SLC2A14: variants seen among roughly 807,000 people sequenced by gnomAD.
SLC2A14 encodes the protein solute carrier family 2, facilitated glucose transporter member 14.
In SLC2A14, 13 loss-of-function variants were observed where a neutral mutation model predicts 43.0. The observed-to-expected ratio is 0.30, with a 90% CI of 0.20 to 0.48. The LOEUF (loss-of-function observed/expected upper bound fraction) is 0.48, where lower values mean the gene tolerates loss of function less well. Among genes scored for constraint, SLC2A14 ranks in the 20% least tolerant of loss-of-function variants. The probability of loss-of-function intolerance (pLI) is 0.99; values close to 1 mark genes in which losing one functional copy is unlikely to be tolerated. For missense variants in SLC2A14, 428 were observed against 620.4 expected, an observed-to-expected ratio of 0.69 and a Z score of 3.29; for synonymous variants, 190 against 233.8, an observed-to-expected ratio of 0.81 and a Z score of 1.71.
chr12:7,882,130 C>G (rs1200818966), intron 1 of SLC2A14, among the ~76,000 whole-genome samples: 1 of 152,036 alleles, frequency 6.6e-6, no homozygotes, highest in Non-Finnish European at 1.5e-5. Flanking sequence ...CTTGTTGCTG[C>G]TCAGTTTTTG....
chr12:7,884,945 AT>A (rs1041562247), intron 1 of SLC2A14, among the ~76,000 whole-genome samples: 39 of 150,048 alleles, frequency 2.6e-4, no homozygotes, highest in African/African-American at 7.8e-4. Context: ...GGTCAGGACT[AT>A]TTTTTTTTTC....
At position 7,827,379 on chromosome 12, in the gene SLC2A14, G is replaced by A. The variant is rs769019704; in HGVS notation, c.864+116C>T. ...CAACCTTCGCCTCCCGGGTTCAAGC[G>A]ATTCTCCTGCCTCAGCCTCCTGAGT... is the stretch of plus-strand genomic sequence containing the variant. On this transcript the variant is annotated intron_variant, in intron 7 of 10. Coordinates refer to ENST00000431042, the MANE Select transcript of SLC2A14 (RefSeq NM_001286234.2). 4.8e-4 allele frequency: 682 copies of A among 1,422,104 alleles called. 1 individual carries two copies. In the African/African-American group the frequency reaches 8.1e-3, roughly 17 times the overall value. 88.1% of individuals were successfully genotyped at this position (1,422,104 alleles called of 1,614,324 possible).
At chr12:7,826,853 C>CTTTTTT (rs1864407594) in intron 7 of SLC2A14, among the ~76,000 whole-genome samples, 22 of 34,470 alleles carry the variant, frequency 6.4e-4, no homozygotes, top group Middle Eastern at 0.038. Flanking sequence ...TTCCTTCCTT[C>CTTTTTT]CTTTCTTTTT....
chr12:7,858,685 G>A (rs1944385402), intron 2 of SLC2A14, among the ~76,000 whole-genome samples: 1 of 152,014 alleles, frequency 6.6e-6, no homozygotes, highest in Non-Finnish European at 1.5e-5. Context: ...TTTTAGTAGA[G>A]ATGGAGTTTC....
intron 1 of SLC2A14, among the ~76,000 whole-genome samples, chr12:7,883,036 C>CT (rs200432492): frequency 0.019 from 2,921 of 151,940 alleles, 90 homozygotes; most frequent in African/African-American, 0.067. Flanking sequence ...TGGTGAAACC[C>CT]TGTCTCTACT....
chr12:7,887,601 ATAGATAGATAGT>A (rs760210368), intron 1 of SLC2A14, among the ~76,000 whole-genome samples: 6,519 of 104,824 alleles, frequency 0.062, 207 homozygotes, highest in East Asian at 0.12. Context: ...AGATAGATAG[ATAGATAGATAGT>A]TAGATAGATA....
chr12:7,826,225 G>GTTTTT (rs34224977), intron 7 of SLC2A14, among the ~76,000 whole-genome samples: 1 of 146,122 alleles, frequency 6.8e-6, no homozygotes, highest in African/African-American at 2.5e-5. Flanking sequence ...TTCCTCCCAA[G>GTTTTT]TTTTTTTTTT....
intron 1 of SLC2A14, among the ~76,000 whole-genome samples, chr12:7,883,783 C>G (rs1023741503): frequency 6.7e-6 from 1 of 150,196 alleles, no homozygotes; most frequent in African/African-American, 2.5e-5. Context: ...CAAGGTTTCA[C>G]CATGTTGGCC....
At chr12:7,827,187 T>G (rs1196677713) in intron 7 of SLC2A14, among the ~76,000 whole-genome samples, 1 of 151,010 alleles carries the variant, frequency 6.6e-6, no homozygotes, top group African/African-American at 2.4e-5. Flanking sequence ...CTCCACTCAC[T>G]GCAACCTCCG....
chr12:7,873,031 C>A, upstream of SLC2A14: 1 of 985,638 alleles, frequency 1.0e-6, no homozygotes, highest in Non-Finnish European at 1.2e-6. Flanking sequence ...GCGGTCAGAG[C>A]AGGGGTCCGG....
At chr12:7,836,471 C>G (rs747983226) in intron 2 of SLC2A14, among the ~76,000 whole-genome samples, 1 of 152,126 alleles carries the variant, frequency 6.6e-6, no homozygotes, top group Admixed American at 6.5e-5. Flanking sequence ...CTGCCTGTCT[C>G]GGCCTCCCAA....
upstream of SLC2A14, among the ~76,000 whole-genome samples, chr12:7,877,158 C>T (rs899944911): frequency 6.6e-6 from 1 of 151,728 alleles, no homozygotes; most frequent in East Asian, 1.9e-4. Flanking sequence ...GCATGCCACT[C>T]GGCTAATTTT....
chr12:7,890,868 T>C, intron 1 of SLC2A14: 1 of 1,067,774 alleles, frequency 9.4e-7, no homozygotes, highest in Non-Finnish European at 1.3e-6. Context: ...TTGGTGGCCT[T>C]GACAGCCCCC....
Position 7,846,924 on chromosome 12 carries a change from G to A in SLC2A14, c.19-14110C>T, listed in dbSNP as rs758405290. On this transcript the variant is annotated intron_variant, in intron 2 of 10. Coordinates refer to ENST00000431042, the MANE Select transcript of SLC2A14 (RefSeq NM_001286234.2). The stretch of plus-strand genomic sequence containing the variant: ...TGGGATTACAGGTGTGAGCCACCAC[G>A]TCTGGTCCTGAATATTCATAAATTT... Among the ~76,000 whole-genome samples, 23 of 148,322 alleles carry A rather than the reference G, an allele frequency of 1.6e-4. No individual in the cohort carries two copies. In the South Asian group the frequency reaches 4.7e-3, roughly 30 times the overall value.
rs183657582 is a variant in SLC2A14, at chr12:7,814,137, A to C, written c.*179T>G. ...GAGGATGTCCAGGAAATAAAATTTA[A>C]AAAGCCATTGAAGATCCAACAAACT... is the stretch of plus-strand genomic sequence containing the variant. On this transcript the variant is annotated 3_prime_UTR_variant, in exon 11 of 11. Coordinates refer to ENST00000431042, the MANE Select transcript of SLC2A14 (RefSeq NM_001286234.2). 4 of 1,107,390 alleles carry C rather than the reference A, an allele frequency of 3.6e-6. No homozygotes were observed. The East Asian group carries it at 1.0e-4, about 28-fold the overall frequency. The allele number at this position is 1,107,390 out of a possible 1,614,324, so 68.6% of individuals were successfully genotyped here.
chr12:7,872,081 A>G (rs1391004508), intron 1 of SLC2A14: 2 of 211,068 alleles, frequency 9.5e-6, no homozygotes, highest in African/African-American at 2.4e-5. Context: ...TGTGTATTAA[A>G]CTGGGACAAA....
chr12:7,854,327 A>G (rs1049795103), intron 2 of SLC2A14, among the ~76,000 whole-genome samples: 1 of 152,052 alleles, frequency 6.6e-6, no homozygotes, highest in Non-Finnish European at 1.5e-5. Flanking sequence ...CTAATCCACC[A>G]ACAAAAACTG....
chr12:7,844,339 G>A (rs913781678), intron 2 of SLC2A14, among the ~76,000 whole-genome samples: 9 of 152,186 alleles, frequency 5.9e-5, no homozygotes, highest in East Asian at 1.9e-4. Flanking sequence ...TCTTACTGCT[G>A]AGTAGTATTC....
chr12:7,817,002 C>T (rs1002864420), intron 10 of SLC2A14, among the ~76,000 whole-genome samples: 1 of 152,100 alleles, frequency 6.6e-6, no homozygotes, highest in African/African-American at 2.4e-5. Context: ...GCCACTGCTC[C>T]CGGGTGCAAT....
Sources: gnomAD v4.1 joint callset for allele counts (sites outside exome capture counted in the v4.1 genomes callset) on GRCh38, gnomAD v4.1.1 for gene constraint, MANE v1.5 for transcripts, NCBI Gene and HGNC (gene_info 2026-07-23, HGNC 2026-07-21) for gene names.